TAPT1: variants seen among roughly 807,000 people sequenced by gnomAD.
TAPT1 encodes transmembrane anterior posterior transformation 1.
A neutral mutation model predicts 65.6 loss-of-function variants in TAPT1; 28 were observed. The ratio of observed to expected loss-of-function variants is 0.43; its 90% confidence interval spans 0.32 to 0.59. The LOEUF (loss-of-function observed/expected upper bound fraction) is 0.59. Ranked by LOEUF, TAPT1 falls within the 20% of genes least tolerant of loss-of-function variation. The pLI, the probability that TAPT1 is intolerant of heterozygous loss-of-function variation, is 0.09. For synonymous variants in TAPT1, 278 were observed against 245.2 expected (o/e 1.13, Z -1.25); for missense variants, 563 against 679.9 (o/e 0.83, Z 1.91).
intron 9 of TAPT1, 151 bp downstream of exon 9, chr4:16,175,968 C>T: frequency 1.9e-6 from 1 of 533,616 alleles, no homozygotes. Flanking sequence ...AATATTAAAA[C>T]AGAATACTTT....
intron 1 of TAPT1, among the ~76,000 whole-genome samples, chr4:16,215,720 T>A (rs973163137): frequency 1.3e-5 from 2 of 152,236 alleles, no homozygotes; most frequent in Non-Finnish European, 2.9e-5. Flanking sequence ...ATATGTAAAC[T>A]CTATTGTATA....
intron 8 of TAPT1, among the ~76,000 whole-genome samples, chr4:16,178,297 T>TA (rs1748475436): frequency 6.6e-6 from 1 of 152,214 alleles, no homozygotes; most frequent in Non-Finnish European, 1.5e-5. Flanking sequence ...GGTTTCTCTA[T>TA]GAAAAAAACT....
intron 3 of TAPT1, among the ~76,000 whole-genome samples, chr4:16,195,769 C>T (rs947981740): frequency 5.3e-5 from 8 of 152,084 alleles, no homozygotes; most frequent in Admixed American, 1.3e-4. Context: ...TAGAGAAAGA[C>T]GATCAAGGGT....
intron 13 of TAPT1, among the ~76,000 whole-genome samples, chr4:16,165,175 T>C (rs1747519240): frequency 6.6e-6 from 1 of 152,152 alleles, no homozygotes; most frequent in Non-Finnish European, 1.5e-5. Context: ...CTCACCTATT[T>C]GGACCCCTGT....
At chr4:16,174,502 AC>A in intron 10 of TAPT1, 167 bp downstream of exon 10, 1 of 686,900 alleles carries the variant, frequency 1.5e-6, no homozygotes, top group South Asian at 2.1e-5. Flanking sequence ...GTTAAGTATT[AC>A]TATTATTCTT....
chr4:16,178,257 G>A (rs1039028726), intron 8 of TAPT1, among the ~76,000 whole-genome samples: 2 of 152,126 alleles, frequency 1.3e-5, no homozygotes, highest in East Asian at 1.9e-4. Flanking sequence ...TAGCCTGCTC[G>A]AGCTGCTGTG....
At chr4:16,193,800 C>T (rs1450557539) in intron 3 of TAPT1, among the ~76,000 whole-genome samples, 1 of 152,182 alleles carries the variant, frequency 6.6e-6, no homozygotes, top group Non-Finnish European at 1.5e-5. Context: ...GAAAGTCACA[C>T]ATCATCAACA....
chr4:16,213,345 T>C (rs11946860), intron 2 of TAPT1, among the ~76,000 whole-genome samples: 2,237 of 151,944 alleles, frequency 0.015, 53 homozygotes, highest in African/African-American at 0.051. Context: ...GAGACTGTCC[T>C]GTATGTTTAT....
chr4:16,216,661 T>C (rs924222236), intron 1 of TAPT1, among the ~76,000 whole-genome samples: 1 of 152,186 alleles, frequency 6.6e-6, no homozygotes, highest in Non-Finnish European at 1.5e-5. Flanking sequence ...CTTACCAAGG[T>C]CTACCAATTC....
At chr4:16,224,108 C>CCTTA (rs1269099907) in intron 1 of TAPT1, among the ~76,000 whole-genome samples, 1 of 152,158 alleles carries the variant, frequency 6.6e-6, no homozygotes, top group Non-Finnish European at 1.5e-5. Context: ...ACAAGTAATA[C>CCTTA]CTTAAGTCCG....
intron 13 of TAPT1, among the ~76,000 whole-genome samples, chr4:16,164,631 A>G (rs1252503288): frequency 6.6e-6 from 1 of 152,174 alleles, no homozygotes; most frequent in Non-Finnish European, 1.5e-5. Flanking sequence ...GGGACTCACT[A>G]GGTTGCCCAG....
intron 7 of TAPT1, among the ~76,000 whole-genome samples, chr4:16,180,702 C>T (rs544989043): frequency 4.2e-4 from 64 of 152,294 alleles, no homozygotes; most frequent in Non-Finnish European, 6.9e-4. Flanking sequence ...ACAGCAAAAC[C>T]TTATTCTCTG....
intron 1 of TAPT1, among the ~76,000 whole-genome samples, chr4:16,218,690 G>A (rs955236196): frequency 3.9e-5 from 6 of 152,204 alleles, no homozygotes; most frequent in African/African-American, 1.4e-4. Context: ...AAAGGACTAA[G>A]ACAGTATTTG....
intron 7 of TAPT1, among the ~76,000 whole-genome samples, chr4:16,182,686 C>A (rs989216934): frequency 5.9e-5 from 9 of 152,168 alleles, no homozygotes; most frequent in Non-Finnish European, 1.3e-4. Flanking sequence ...TTCACATTAC[C>A]AATGCGTAAA....
At chr4:16,196,211 C>A (rs1578452089) in intron 3 of TAPT1, among the ~76,000 whole-genome samples, 1 of 152,154 alleles carries the variant, frequency 6.6e-6, no homozygotes, top group Non-Finnish European at 1.5e-5. Context: ...TCATATGTAA[C>A]AGAAAAATAA....
intron 7 of TAPT1, chr4:16,183,112 G>C (rs934271908): frequency 6.6e-6 from 1 of 152,176 alleles, no homozygotes; most frequent in African/African-American, 2.4e-5. Flanking sequence ...TTCATATAAA[G>C]AGTAAAAAGC....
In TAPT1 at chr4:16,179,654, A is replaced by G; in HGVS notation, c.920T>C (p.Ile307Thr). The change falls in exon 8 of 14, where the codon ATT becomes ACT. Residue 307 changes from isoleucine to threonine, a missense_variant. Ile to Thr is a moderately conservative substitution (Grantham distance 89). This residue lies in a region of TAPT1 where 217 missense variants were observed against 317.5 expected (regional missense o/e 0.68). Coordinates refer to ENST00000405303, the MANE Select transcript of TAPT1 (RefSeq NM_153365.3). ...NNLFQMSNSD[I>T]KERFTNYVLL... ...CACATAATTTGTGAATCGTTCCTTA[A>G]TATCTAAAAGAAAAAAAATCAACAT... 6.6e-7 allele frequency: 1 copy of G among 1,523,040 alleles called. No homozygotes were observed. Among genetic ancestry groups the G allele is most frequent in the Non-Finnish European group, 8.8e-7 (1 of 1,131,930 alleles). The allele number at this position is 1,523,040 out of a possible 1,614,324, so 94.3% of individuals were successfully genotyped here. A position where few individuals can be genotyped will look rare whatever the true frequency, so the allele number is the denominator to read the frequency against.
At chr4:16,217,430 G>C (rs534782266) in intron 1 of TAPT1, among the ~76,000 whole-genome samples, 1 of 152,176 alleles carries the variant, frequency 6.6e-6, no homozygotes, top group Admixed American at 6.5e-5. Flanking sequence ...GACATAAAAC[G>C]GAGTGGCCAA....
At chr4:16,224,227 GT>G (rs1166675943) in intron 1 of TAPT1, among the ~76,000 whole-genome samples, 2 of 152,094 alleles carry the variant, frequency 1.3e-5, no homozygotes, top group African/African-American at 4.8e-5. Context: ...CTAGGGAATC[GT>G]TTTTAAAAAT....
Sources: gnomAD v4.1 joint callset for allele counts (sites outside exome capture counted in the v4.1 genomes callset) on GRCh38, gnomAD v4.1.1 for gene constraint, gnomAD v4.1.1 regional missense constraint, MANE v1.5 for transcripts, NCBI Gene and HGNC (gene_info 2026-07-23, HGNC 2026-07-21) for gene names.